Variants in DOP1B observed in about 807,000 individuals in gnomAD.
The protein encoded by DOP1B is DOP1 leucine zipper like protein B.
In DOP1B, 174 loss-of-function variants were observed where a neutral mutation model predicts 233.5. The ratio of observed to expected loss-of-function variants is 0.75; its 90% confidence interval spans 0.66 to 0.85. The LOEUF (loss-of-function observed/expected upper bound fraction) is 0.85, where lower values mean the gene tolerates loss of function less well. DOP1B is among the 40% of genes least tolerant of loss of function. The pLI, the probability that DOP1B is intolerant of heterozygous loss-of-function variation, is 0.00. For synonymous variants in DOP1B, 1,190 were observed against 1,185.6 expected, an observed-to-expected ratio of 1.00 and a Z score of -0.08; for missense variants, 2,652 against 2,846.6, an observed-to-expected ratio of 0.93 and a Z score of 1.56.
rs140246092 is a variant in DOP1B, at chr21:36,214,448, G to A, written c.1021G>A (p.Ala341Thr). The part of the protein sequence containing the change: ...YSKDLLVEGL[A>T]EILHQKFIDA... ...GGCTTTTTTTAAATAATAGGGTTTG[G>A]CTGAGATATTGCATCAGAAGTTCAT... Residue 341 changes from alanine (A) to threonine (T), a missense_variant, in exon 9 of 37, where the codon GCT (alanine) becomes ACT (threonine). Around this residue, in one of 3 missense-constraint regions of DOP1B, gnomAD observed 2,617 missense variants for 2,794.3 expected, o/e 0.94. Coordinates refer to ENST00000691173, the MANE Select transcript of DOP1B (RefSeq NM_001320714.2). 4.9e-5 allele frequency: 79 copies of A among 1,611,976 alleles called. 1 individual carries two copies. In the African/African-American group the frequency reaches 9.9e-4, roughly 20 times the overall value.
intron 14 of DOP1B, 91 bp downstream of exon 14, chr21:36,231,225 G>A: frequency 1.4e-6 from 2 of 1,447,570 alleles, no homozygotes; most frequent in Non-Finnish European, 1.8e-6. Flanking sequence ...CAATGCTAGG[G>A]ACCAAATGTA....
Position 36,231,069 on chromosome 21 carries a change from C to T in DOP1B, c.2285C>T (p.Thr762Ile). The part of the protein sequence containing the change: ...AACHLLLDCA[T>I]FPVYLSEEET... ...TGCCACCTGCTGCTGGATTGTGCCA[C>T]TTTCCCTGTCTACCTGTCCGAGGAA... The change falls in exon 14 of 37, where the codon ACT becomes ATT. Residue 762 changes from threonine (T) to isoleucine (I), a missense_variant. Physicochemically the swap from Thr to Ile is moderately conservative, Grantham distance 89. This residue lies in a region of DOP1B where 2,617 missense variants were observed against 2,794.3 expected (regional missense o/e 0.94). Coordinates refer to ENST00000691173, the MANE Select transcript of DOP1B (RefSeq NM_001320714.2). The T allele has an allele frequency of 6.2e-7, 1 of 1,613,692 alleles. No homozygotes were observed. The highest frequency in any genetic ancestry group is 8.5e-7 in the Non-Finnish European group (1 of 1,179,850).
intron 1 of DOP1B, among the ~76,000 whole-genome samples, chr21:36,161,636 G>A (rs1452443247): frequency 6.6e-6 from 1 of 152,288 alleles, no homozygotes. Flanking sequence ...TCACAGGCAT[G>A]AGCCACTGTG....
chr21:36,230,613 C>G lies in DOP1B; in HGVS notation c.1829C>G (p.Ser610Cys), dbSNP rs1260482612. The G allele has an allele frequency of 1.2e-6, 2 of 1,614,176 alleles. No homozygotes were observed. The highest frequency in any genetic ancestry group is 2.2e-5 in the South Asian group (2 of 91,082). The change falls in exon 14 of 37, where the codon TCT becomes TGT. Residue 610 changes from serine to cysteine, a missense_variant. Physicochemically the swap from Ser to Cys is moderately radical, Grantham distance 112. Coordinates refer to ENST00000691173, the MANE Select transcript of DOP1B (RefSeq NM_001320714.2). The stretch of plus-strand genomic sequence containing the variant: ...GAGCACTTGAGGGTTCCTCGAGTTT[C>G]TCTGGAAAGGGACGACGTTTGGAAG... ...LSEHLRVPRV[S>C]LERDDVWKKG...
At chr21:36,290,591 G>T (rs71330666) in intron 35 of DOP1B, among the ~76,000 whole-genome samples, 1 of 152,136 alleles carries the variant, frequency 6.6e-6, no homozygotes, top group Non-Finnish European at 1.5e-5. Context: ...CTGAGTTTGG[G>T]ATCAGCCTGA....
At position 36,179,093 on chromosome 21, in the gene DOP1B, C is replaced by CT. The variant is rs139313512; in HGVS notation, c.138+14225dup. On this transcript the variant is annotated intron_variant, in intron 2 of 36. Coordinates refer to ENST00000691173, the MANE Select transcript of DOP1B (RefSeq NM_001320714.2). ...TCTCTCTCCTTTTCTGGTCTGGCTT[C>CT]TTTCACTCAGCAAAGCTACTTCGAG... Among the ~76,000 whole-genome samples the CT allele has an allele frequency of 4.0e-3, 617 of 152,348 alleles. 3 individuals are homozygous for CT. Among genetic ancestry groups the CT allele is most frequent in the African/African-American group, 0.014 (579 of 41,574 alleles).
rs536161085 is a variant in DOP1B at position 36,239,060 on chromosome 21, G to A, written c.2876+359G>A. 5.3e-4 allele frequency among the ~76,000 whole-genome samples: 80 copies of A among 152,184 alleles called. 1 individual carries two copies. The South Asian group carries it at 0.015, about 28-fold the overall frequency. ...AAAGGTTGCAGTGAGCCGAGACTGCGCCACTCCACTCCAGCCTGGGTGACA... is the reference window on the plus strand; with the variant it reads ...AAAGGTTGCAGTGAGCCGAGACTGCACCACTCCACTCCAGCCTGGGTGACA... On this transcript the variant is annotated intron_variant, in intron 17 of 36. Transcript: ENST00000691173.
chr21:36,280,859 A>G (rs7281824), intron 31 of DOP1B, among the ~76,000 whole-genome samples: 66,731 of 151,896 alleles, frequency 0.44, 15,158 homozygotes, highest in African/African-American at 0.56. Context: ...AAAAATAGCC[A>G]GGCATAGTGG....
rs149022838 is a variant in DOP1B at position 36,273,828 on chromosome 21, C to T, written c.5633-3193C>T. 4.5e-3 allele frequency among the ~76,000 whole-genome samples: 678 copies of T among 152,194 alleles called. 15 individuals are homozygous for T. The highest frequency in any genetic ancestry group is 0.039 in the East Asian group (200 of 5,170). On this transcript the variant is annotated intron_variant, in intron 27 of 36. Transcript: ENST00000691173. ...CAGTGGCTCACACCTGTAATCCCAG[C>T]ACTTTGGGAGGCCGAGGCGGGCGGA...
chr21:36,179,979 C>G (rs1347088821), intron 2 of DOP1B, among the ~76,000 whole-genome samples: 1 of 152,192 alleles, frequency 6.6e-6, no homozygotes, highest in Admixed American at 6.5e-5. Context: ...CCCCTCTCCT[C>G]TGCCTGCACA....
chr21:36,171,396 A>G (rs1321124385), intron 2 of DOP1B, among the ~76,000 whole-genome samples: 5 of 152,238 alleles, frequency 3.3e-5, no homozygotes, highest in African/African-American at 1.2e-4. Flanking sequence ...CGTGAAAGAA[A>G]CCCTGGAGTC....
chr21:36,183,667 G>C (rs74743371), intron 2 of DOP1B, among the ~76,000 whole-genome samples: 2 of 152,246 alleles, frequency 1.3e-5, no homozygotes, highest in Non-Finnish European at 2.9e-5. Context: ...CGGAACCTTT[G>C]TTGTGTTTTG....
intron 32 of DOP1B, among the ~76,000 whole-genome samples, chr21:36,282,805 A>G (rs2067433199): frequency 6.6e-6 from 1 of 151,920 alleles, no homozygotes; most frequent in Admixed American, 6.6e-5. Flanking sequence ...GTAAAACCCC[A>G]TCTCTACTAA....
chr21:36,214,560 A>G lies in DOP1B; in HGVS notation c.1129+4A>G. ...CTGCTTGACAAGCCAGAAATAGGTA[A>G]TGTTAGAAATGCTGCTTCTATCCTA... On this transcript the variant is annotated splice_donor_region_variant and intron_variant, in intron 9 of 36. Transcript: ENST00000691173. 1.2e-6 allele frequency: 2 copies of G among 1,612,794 alleles called. No homozygotes were observed. Among genetic ancestry groups the G allele is most frequent in the Non-Finnish European group, 1.7e-6 (2 of 1,179,202 alleles).
chr21:36,167,929 C>CTTTTTTTTTTTTTTTTTT (rs1568996068), intron 2 of DOP1B, among the ~76,000 whole-genome samples: 6 of 97,314 alleles, frequency 6.2e-5, no homozygotes, highest in African/African-American at 1.5e-4. Flanking sequence ...CTTTTCTTTT[C>CTTTTTTTTTTTTTTTTTT]TTTTCTTTTT....
chr21:36,182,992 C>G (rs903607775), intron 2 of DOP1B, among the ~76,000 whole-genome samples: 10 of 152,146 alleles, frequency 6.6e-5, no homozygotes, highest in Admixed American at 6.5e-4. Context: ...ATTCTGGCTG[C>G]GGGTGGGTGG....
chr21:36,159,593 G>A (rs565264053), intron 1 of DOP1B, among the ~76,000 whole-genome samples: 1 of 152,266 alleles, frequency 6.6e-6, no homozygotes, highest in African/African-American at 2.4e-5. Flanking sequence ...AACTTCTCTC[G>A]TGTGCTGGTA....
intron 1 of DOP1B, among the ~76,000 whole-genome samples, chr21:36,162,509 T>C (rs1466837321): frequency 6.6e-6 from 1 of 152,096 alleles, no homozygotes; most frequent in East Asian, 1.9e-4. Flanking sequence ...AAAAGAGCAC[T>C]AATCCCATGA....
chr21:36,238,350 G>T (rs1601437634), intron 16 of DOP1B, among the ~76,000 whole-genome samples: 2 of 152,298 alleles, frequency 1.3e-5, no homozygotes, highest in Non-Finnish European at 2.9e-5. Context: ...CAGACCACAG[G>T]GGTGACCCTG....
Sources: gnomAD v4.1 joint callset for allele counts (sites outside exome capture counted in the v4.1 genomes callset) on GRCh38, gnomAD v4.1.1 for gene constraint, gnomAD v4.1.1 regional missense constraint, MANE v1.5 for transcripts, NCBI Gene and HGNC (gene_info 2026-07-23, HGNC 2026-07-21) for gene names.